PDE1A: variants seen among roughly 807,000 people sequenced by gnomAD.
PDE1A encodes the protein dual specificity calcium/calmodulin-dependent 3',5'-cyclic nucleotide phosphodiesterase 1A.
Under a neutral mutation model 61.7 loss-of-function variants are expected in PDE1A, and 35 were observed. That is an observed-to-expected ratio of 0.57 (90% CI 0.43 to 0.75). The LOEUF (loss-of-function observed/expected upper bound fraction) is 0.75. PDE1A is among the 30% of genes least tolerant of loss of function. PDE1A has a pLI of 0.00. For missense variants in PDE1A, 597 were observed against 630.6 expected (o/e 0.95, Z 0.57); for synonymous variants, 232 against 213.2 (o/e 1.09, Z -0.77).
the PDE1A span, among the ~76,000 whole-genome samples, chr2:182,557,740 T>C: frequency 4.2e-4 from 64 of 151,660 alleles, no homozygotes; most frequent in African/African-American, 1.5e-3. Context: ...TAAAAATAAA[T>C]AAATAAAATA....
the PDE1A span, among the ~76,000 whole-genome samples, chr2:182,585,666 G>T: frequency 2.0e-5 from 3 of 152,092 alleles, no homozygotes; most frequent in African/African-American, 7.2e-5. Context: ...AACAAGAAGG[G>T]CAATATCTGT....
At chr2:182,403,101 G>A (rs1702096604) in intron 1 of PDE1A, among the ~76,000 whole-genome samples, 1 of 150,984 alleles carries the variant, frequency 6.6e-6, no homozygotes, top group African/African-American at 2.5e-5. Context: ...CAACCATTGT[G>A]GAAGACAGTG....
chr2:182,249,371 AG>A (rs1200063861), intron 2 of PDE1A, among the ~76,000 whole-genome samples: 1 of 152,070 alleles, frequency 6.6e-6, no homozygotes, highest in African/African-American at 2.4e-5. Flanking sequence ...AGGGAATTCC[AG>A]GGTCCTACAG....
At chr2:182,657,873 T>C in the PDE1A span, among the ~76,000 whole-genome samples, 8 of 151,838 alleles carry the variant, frequency 5.3e-5, no homozygotes, top group African/African-American at 1.9e-4. Flanking sequence ...GGCTTCTGTA[T>C]CAGATAGAGA....
chr2:182,310,039 C>T, intron 1 of PDE1A, among the ~76,000 whole-genome samples: 1 of 152,104 alleles, frequency 6.6e-6, no homozygotes, highest in East Asian at 1.9e-4. Flanking sequence ...TGAGGCAAGA[C>T]ACAAGGAACA....
At chr2:182,435,792 AT>A (rs1400213650) in intron 2 of PDE1A, among the ~76,000 whole-genome samples, 4 of 152,048 alleles carry the variant, frequency 2.6e-5, no homozygotes, top group Non-Finnish European at 5.9e-5. Flanking sequence ...TTTCCTCCGT[AT>A]TTTAAGTTTG....
chr2:182,449,910 T>C (rs1685401078), intron 2 of PDE1A, among the ~76,000 whole-genome samples: 1 of 152,036 alleles, frequency 6.6e-6, no homozygotes. Context: ...ATATGTAGCA[T>C]TTAAATTTAA....
At chr2:182,383,191 T>C (rs1038094958) in intron 1 of PDE1A, among the ~76,000 whole-genome samples, 1 of 152,214 alleles carries the variant, frequency 6.6e-6, no homozygotes, top group Non-Finnish European at 1.5e-5. Flanking sequence ...CTTCTCTTTC[T>C]ATCCAATTTC....
chr2:182,400,465 G>C (rs1282472289), intron 1 of PDE1A, among the ~76,000 whole-genome samples: 1 of 152,126 alleles, frequency 6.6e-6, no homozygotes, highest in Non-Finnish European at 1.5e-5. Flanking sequence ...CCCAGAAAGA[G>C]CTTTCAGAAC....
chr2:182,351,923 G>T (rs16823106), intron 1 of PDE1A, among the ~76,000 whole-genome samples: 27,699 of 152,110 alleles, frequency 0.18, 3,294 homozygotes, highest in East Asian at 0.46. Context: ...TACACATTCA[G>T]TTAGTCATAT....
chr2:182,314,819 G>A (rs1466541921), intron 1 of PDE1A, among the ~76,000 whole-genome samples: 5 of 141,744 alleles, frequency 3.5e-5, no homozygotes, highest in East Asian at 2.0e-4. Context: ...TACTTTTTAT[G>A]CATGCAATGT....
chr2:182,648,848 T>C, the PDE1A span, among the ~76,000 whole-genome samples: 1 of 152,140 alleles, frequency 6.6e-6, no homozygotes, highest in Non-Finnish European at 1.5e-5. Context: ...TTATCATCTA[T>C]ACAAAAGAAG....
chr2:182,686,870 C>A, the PDE1A span, among the ~76,000 whole-genome samples: 2,351 of 151,610 alleles, frequency 0.016, 38 homozygotes, highest in East Asian at 0.082. Context: ...AAACGGCACA[C>A]CAGGAGATTA....
At chr2:182,242,926 C>CGTGTGTGTGTGTGTGTGT (rs10529301) in intron 2 of PDE1A, among the ~76,000 whole-genome samples, 5 of 31,814 alleles carry the variant, frequency 1.6e-4, no homozygotes, top group Non-Finnish European at 3.1e-4. Context: ...CTCTCTCTCT[C>CGTGTGTGTGTGTGTGTGT]GTGTGTGTAT....
chr2:182,242,080 G>A (rs1215526657), intron 2 of PDE1A: 1 of 1,306,016 alleles, frequency 7.7e-7, no homozygotes, highest in East Asian at 2.9e-5. Context: ...ATCTTGTGAT[G>A]TCACCATGCT....
chr2:182,492,575 G>T (rs944139236), intron 2 of PDE1A, among the ~76,000 whole-genome samples: 1 of 45,774 alleles, frequency 2.2e-5, no homozygotes, highest in Non-Finnish European at 5.2e-5. Flanking sequence ...AATTATTTAC[G>T]GTTATAGATC....
chr2:182,155,329 T>G (rs1036462453), intron 13 of PDE1A, among the ~76,000 whole-genome samples: 1 of 152,032 alleles, frequency 6.6e-6, no homozygotes, highest in African/African-American at 2.4e-5. Flanking sequence ...ACTCAAGCAA[T>G]CTGCTCATCT....
upstream of PDE1A, among the ~76,000 whole-genome samples, chr2:182,524,765 G>C (rs769247989): frequency 6.6e-6 from 1 of 151,672 alleles, no homozygotes; most frequent in Non-Finnish European, 1.5e-5. Flanking sequence ...GTTCTGCAAG[G>C]GAAAATTGAG....
At chr2:182,641,939 G>A in the PDE1A span, among the ~76,000 whole-genome samples, 11 of 152,104 alleles carry the variant, frequency 7.2e-5, no homozygotes, top group Admixed American at 4.6e-4. Flanking sequence ...TTACTATGAC[G>A]TACCTCCTAA....
Sources: gnomAD v4.1 joint callset for allele counts (sites outside exome capture counted in the v4.1 genomes callset) on GRCh38, gnomAD v4.1.1 for gene constraint, MANE v1.5 for transcripts, NCBI Gene and HGNC (gene_info 2026-07-23, HGNC 2026-07-21) for gene names.